MAMSTR: variants seen among roughly 807,000 people sequenced by gnomAD.
MAMSTR encodes the protein MEF2-activating motif and SAP domain-containing transcriptional regulator.
Under a neutral mutation model 42.7 loss-of-function variants are expected in MAMSTR, and 41 were observed. The ratio of observed to expected loss-of-function variants is 0.96; its 90% CI spans 0.75 to 1.25. The LOEUF (loss-of-function observed/expected upper bound fraction) is 1.25. Among genes scored for constraint, MAMSTR ranks in the 50% most tolerant of loss-of-function variants. The probability of loss-of-function intolerance (pLI) is 0.00; values close to 1 mark genes in which losing one functional copy is unlikely to be tolerated. For missense variants in MAMSTR, 567 were observed against 557.6 expected, an observed-to-expected ratio of 1.02 and a Z score of -0.17; for synonymous variants, 265 against 244.1, an observed-to-expected ratio of 1.09 and a Z score of -0.80.
At chr19:48,714,208 A>C (rs375155475) in intron 7 of MAMSTR, among the ~76,000 whole-genome samples, 158 bp downstream of exon 7, 2 of 151,916 alleles carry the variant, frequency 1.3e-5, no homozygotes, top group African/African-American at 4.8e-5. Flanking sequence ...TTCTCTAAAG[A>C]TCCGCCCCCT....
downstream of MAMSTR, among the ~76,000 whole-genome samples, chr19:48,709,402 C>A (rs966729472): frequency 4.6e-5 from 7 of 152,180 alleles, no homozygotes; most frequent in East Asian, 1.4e-3. Context: ...CCCGCCTCGG[C>A]CTCCCAAAGT....
intron 3 of MAMSTR, 78 bp from the exon 4 acceptor site, chr19:48,715,845 G>C (rs547764754): frequency 6.7e-7 from 1 of 1,488,206 alleles, no homozygotes; most frequent in South Asian, 1.3e-5. Flanking sequence ...TGTGGAAAGC[G>C]GGGCTCCAGG....
the MAMSTR span, among the ~76,000 whole-genome samples, chr19:48,706,387 C>T: frequency 1.3e-5 from 2 of 151,878 alleles, no homozygotes; most frequent in Non-Finnish European, 2.9e-5. Context: ...CCTGTAATCC[C>T]AGCACTTTGG....
downstream of MAMSTR, among the ~76,000 whole-genome samples, chr19:48,712,415 T>C (rs535153): frequency 0.046 from 6,841 of 150,080 alleles, 516 homozygotes; most frequent in African/African-American, 0.16. Flanking sequence ...TTCTTTCTTT[T>C]TCTCTCTCTC....
rs1302069246 is a variant in MAMSTR, at chr19:48,713,380, G to A, written c.1135C>T (p.Leu379=). 2 of 1,611,234 alleles carry A rather than the reference G, an allele frequency of 1.2e-6. No homozygotes were observed. Among genetic ancestry groups the A allele is most frequent in the East Asian group, 4.5e-5 (2 of 44,864 alleles). ...PTDSLDWLEA[L]SGGPPLGSGP... is the part of the protein sequence containing the mutation. Reference sequence around the variant, plus strand: ...GAACCCAGAGGAGGACCCCCGCTCAGGGCCTCCAGCCAGTCCAGGGAGTCC... The same window carrying A: ...GAACCCAGAGGAGGACCCCCGCTCAAGGCCTCCAGCCAGTCCAGGGAGTCC... Residue 379 remains leucine, a synonymous_variant, in exon 10 of 10, where the codon CTG becomes TTG. Coordinates refer to ENST00000318083, the MANE Select transcript of MAMSTR (RefSeq NM_001130915.2).
downstream of MAMSTR, among the ~76,000 whole-genome samples, chr19:48,711,367 C>T (rs1043131655): frequency 8.5e-5 from 13 of 152,280 alleles, no homozygotes; most frequent in East Asian, 9.6e-4. Context: ...ATCCCCACCA[C>T]GGTGCCACAC....
chr19:48,707,869 AAG>A (rs1491401723), downstream of MAMSTR, among the ~76,000 whole-genome samples: 2 of 114,122 alleles, frequency 1.8e-5, no homozygotes, highest in African/African-American at 3.6e-5. Flanking sequence ...GAAAGAAAGA[AAG>A]AAAGAAAGAA....
chr19:48,715,471 A>C, intron 4 of MAMSTR, 25 bp from the exon 5 acceptor site: 1 of 1,473,858 alleles, frequency 6.8e-7, no homozygotes, highest in South Asian at 1.4e-5. Flanking sequence ...GTGATGTTTT[A>C]GGCTTCAGCG....
intron 2 of MAMSTR, among the ~76,000 whole-genome samples, 198 bp downstream of exon 2, chr19:48,718,776 C>G (rs1054718589): frequency 6.6e-6 from 1 of 152,124 alleles, no homozygotes; most frequent in Non-Finnish European, 1.5e-5. Flanking sequence ...ATTGCTCCCC[C>G]CGTGAGCATG....
Position 48,713,326 on chromosome 19 carries a change from C to G in MAMSTR, c.1189G>C (p.Ala397Pro), listed in dbSNP as rs556967114. 2 of 1,608,078 alleles carry G rather than the reference C, an allele frequency of 1.2e-6. No individual in the cohort carries two copies. Among genetic ancestry groups the G allele is most frequent in the South Asian group, 2.2e-5 (2 of 90,820 alleles). Residue 397 changes from alanine (A) to proline (P), a missense_variant, in exon 10 of 10, where the codon GCT (alanine) becomes CCT (proline). Physicochemically the swap from Ala to Pro is conservative, Grantham distance 27. Transcript: ENST00000318083. ...CTGCTGCTGGAGTCAGATAAGTCAG[C>G]GGAGAAGATGCTGGGGGGTGGGGGA... ...SGPPPPSIFS[A>P]DLSDSSSSRL... is the part of the protein sequence containing the mutation.
chr19:48,716,074 G>T (rs889412181), intron 3 of MAMSTR, among the ~76,000 whole-genome samples: 1 of 152,098 alleles, frequency 6.6e-6, no homozygotes, highest in African/African-American at 2.4e-5. Context: ...GGGAGAGGGA[G>T]AGGCTGAAAG....
At chr19:48,707,156 C>T in the MAMSTR span, among the ~76,000 whole-genome samples, 1 of 151,988 alleles carries the variant, frequency 6.6e-6, no homozygotes. Context: ...TGGTGGCTCA[C>T]GCCTGTAATC....
rs1015799070 is a variant in MAMSTR at position 48,713,614 on chromosome 19, C to A, written c.965-64G>T. On this transcript the variant is annotated intron_variant, in intron 9 of 9. Transcript: ENST00000318083. Reference sequence around the variant, plus strand: ...GGGGTCCGGGCGCCAGCCCCCCATACCCCATTTCCAGGATCCAGCTCCCCA... The same window carrying A: ...GGGGTCCGGGCGCCAGCCCCCCATAACCCATTTCCAGGATCCAGCTCCCCA... The A allele has an allele frequency of 1.9e-6, 3 of 1,600,510 alleles. No individual in the cohort carries two copies. The African/African-American group carries it at 4.0e-5, about 21-fold the overall frequency.
Position 48,715,642 on chromosome 19 carries a change from AAGG to A in MAMSTR, c.220_222del (p.Pro74del), listed in dbSNP as rs1279539818. On this transcript the variant is annotated inframe_deletion, in exon 4 of 10. Transcript: ENST00000318083. ...AGACTCACCTTCTTTGGGGACCTCC[AAGG>A]AGGACAATATTCTGGCTCGGGGAGC... 49 of 1,543,258 alleles carry A rather than the reference AAGG, an allele frequency of 3.2e-5. No homozygotes were observed. Among genetic ancestry groups the A allele is most frequent in the Non-Finnish European group, 3.9e-5 (45 of 1,144,822 alleles).
In MAMSTR at chr19:48,715,755, T is replaced by A. The variant is rs1300143801; in HGVS notation, c.110A>T (p.Asp37Val). 1 of 1,540,402 alleles carries A rather than the reference T, an allele frequency of 6.5e-7. No individual in the cohort carries two copies. Residue 37 changes from aspartate (D) to valine (V), a missense_variant, in exon 4 of 10, where the codon GAC (aspartate) becomes GTC (valine). Physicochemically the swap from Asp to Val is radical, Grantham distance 152 (BLOSUM62 -3). Coordinates refer to ENST00000318083, the MANE Select transcript of MAMSTR (RefSeq NM_001130915.2). Reference protein sequence around the residue: ...RRNQEQISDPDPWISASDPPL... With the variant: ...RRNQEQISDPVPWISASDPPL... ...AGGGTCTGAGGCTGAGATCCACGGG[T>A]CCGGATCCGAGACTGGAGAGACGGT...
rs2032897484 is a variant in MAMSTR at position 48,714,429 on chromosome 19, G to A, written c.660C>T (p.Pro220=). ...ERPKPRREDS[P]AGAPWPRLKP... The stretch of plus-strand genomic sequence containing the variant: ...TGAGGCGCGGCCAGGGAGCACCCGC[G>A]GGACTGTCCTCGCGCCGCGGCTTCG... Residue 220 remains proline (P), a synonymous_variant, in exon 7 of 10, where the codon CCC becomes CCT. Transcript: ENST00000318083. 4.3e-6 allele frequency: 6 copies of A among 1,383,726 alleles called. No homozygotes were observed. The African/African-American group carries it at 4.6e-5, about 11-fold the overall frequency. 85.7% of individuals were successfully genotyped at this position (1,383,726 alleles called of 1,614,324 possible). A position where few individuals can be genotyped will look rare whatever the true frequency, so the allele number is the denominator to read the frequency against.
chr19:48,714,392 G>A lies in MAMSTR; in HGVS notation c.697C>T (p.Leu233=), dbSNP rs757110274. 37 of 1,374,468 alleles carry A rather than the reference G, an allele frequency of 2.7e-5. No individual in the cohort carries two copies. The highest frequency in any genetic ancestry group is 3.4e-5 in the Non-Finnish European group (36 of 1,071,318). 85.1% of individuals were successfully genotyped at this position (1,374,468 alleles called of 1,614,324 possible). Residue 233 remains leucine (L), a synonymous_variant, in exon 7 of 10, where the codon CTG becomes TTG. Transcript: ENST00000318083. The part of the protein sequence containing the change: ...APWPRLKPKA[L]AAARRQGSVK... ...GAGCCCTGACGCCGGGCGGCTGCCA[G>A]GGCCTTGGGCTTGAGGCGCGGCCAG... is the stretch of plus-strand genomic sequence containing the variant.
chr19:48,714,620 G>A (rs2032915329), intron 6 of MAMSTR, 60 bp from the exon 7 acceptor site: 4 of 1,427,970 alleles, frequency 2.8e-6, no homozygotes, highest in South Asian at 1.4e-5. Context: ...GCGCAGGCAG[G>A]AGCTGGACAG....
chr19:48,714,947 G>T, intron 5 of MAMSTR, 39 bp from the exon 6 acceptor site: 1 of 1,388,430 alleles, frequency 7.2e-7, no homozygotes, highest in Non-Finnish European at 1.0e-6. Flanking sequence ...GGTTAGAGAG[G>T]TAGAGGGGGA....
Sources: allele counts gnomAD v4.1 joint callset (sites outside exome capture counted in the v4.1 genomes callset), GRCh38; gene constraint gnomAD v4.1.1; transcripts MANE v1.5; gene names NCBI Gene and HGNC (gene_info 2026-07-23, HGNC 2026-07-21).